PAQR3: variants seen among roughly 807,000 people sequenced by gnomAD.
PAQR3 encodes progestin and adipoQ receptor family member 3.
Under a neutral mutation model 41.7 loss-of-function variants are expected in PAQR3, and 39 were observed. That is an observed-to-expected ratio of 0.93 (90% CI 0.72 to 1.22). PAQR3 has a LOEUF of 1.22. Among genes scored for constraint, PAQR3 ranks in the 50% most tolerant of loss-of-function variants. The pLI, the probability that PAQR3 is intolerant of heterozygous loss-of-function variation, is 0.00. For missense variants in PAQR3, 366 were observed against 385.6 expected (o/e 0.95, Z 0.42); for synonymous variants, 140 against 140.6 (o/e 1.00, Z 0.03).
intron 11 of PAQR3, among the ~76,000 whole-genome samples, chr4:78,893,438 C>T (rs187553333): frequency 3.3e-5 from 5 of 152,254 alleles, no homozygotes; most frequent in Middle Eastern, 3.4e-3. Flanking sequence ...CCTGTTCTTA[C>T]GAATCACGAA....
downstream of PAQR3, among the ~76,000 whole-genome samples, chr4:78,907,544 A>G (rs1333399863): frequency 6.6e-6 from 1 of 152,184 alleles, no homozygotes; most frequent in East Asian, 1.9e-4. Flanking sequence ...GCATTTCCCC[A>G]AAGTACTTTT....
intron 11 of PAQR3, among the ~76,000 whole-genome samples, chr4:78,900,170 C>T (rs1313783153): frequency 1.3e-5 from 2 of 152,208 alleles, no homozygotes; most frequent in Non-Finnish European, 2.9e-5. Flanking sequence ...TTATGATGAT[C>T]TACTTTCACT....
intron 11 of PAQR3, among the ~76,000 whole-genome samples, chr4:78,896,535 T>A (rs556854712): frequency 6.6e-6 from 1 of 152,292 alleles, no homozygotes; most frequent in East Asian, 1.9e-4. Context: ...AAGAAAAATA[T>A]ATGTGAAGCA....
Position 78,917,832 on chromosome 4 carries a change from G to A in PAQR3, c.*2707C>T, listed in dbSNP as rs2110125078. 1.0e-6 allele frequency: 1 copy of A among 985,434 alleles called. No homozygotes were observed. The highest frequency in any genetic ancestry group is 1.2e-6 in the Non-Finnish European group (1 of 829,696). 61.0% of individuals were successfully genotyped at this position (985,434 alleles called of 1,614,324 possible). ...TTCAAATCGGATATTCTGTCCAGGTGGGATGCCATAAGATGTGACAGACAT... is the reference window on the plus strand; with the variant it reads ...TTCAAATCGGATATTCTGTCCAGGTAGGATGCCATAAGATGTGACAGACAT... On this transcript the variant is annotated 3_prime_UTR_variant, in exon 6 of 6. Transcript: ENST00000512733.
chr4:78,891,511 A>G, intron 11 of PAQR3, among the ~76,000 whole-genome samples: 1 of 152,056 alleles, frequency 6.6e-6, no homozygotes, highest in Admixed American at 6.6e-5. Context: ...TTACTAGGAT[A>G]TTGTGCCGTT....
chr4:78,901,247 G>T (rs1464757214), intron 11 of PAQR3, among the ~76,000 whole-genome samples: 6 of 149,864 alleles, frequency 4.0e-5, no homozygotes, highest in African/African-American at 1.5e-4. Context: ...TTTTTGTAGA[G>T]ACTAGGTCTT....
Position 78,917,900 on chromosome 4 carries a change from C to CTGTT in PAQR3, c.*2635_*2638dup, listed in dbSNP as rs1306521699. 1 of 984,336 alleles carries CTGTT rather than the reference C, an allele frequency of 1.0e-6. No individual in the cohort carries two copies. The highest frequency in any genetic ancestry group is 1.2e-6 in the Non-Finnish European group (1 of 828,740). 61.0% of individuals were successfully genotyped at this position (984,336 alleles called of 1,614,324 possible). On this transcript the variant is annotated 3_prime_UTR_variant, in exon 6 of 6. Coordinates refer to ENST00000512733, the MANE Select transcript of PAQR3 (RefSeq NM_001040202.2). ...CTGATTCTAAAATATGATTTTAAAG[C>CTGTT]TGTTATGTATTACAAAGAATGACAA...
rs770869557 is a variant in PAQR3, at chr4:78,939,118, ATCTGC to A, written c.102_106del (p.Glu34AspfsTer33). On this transcript the variant is annotated frameshift_variant, in exon 1 of 6. Coordinates refer to ENST00000512733, the MANE Select transcript of PAQR3 (RefSeq NM_001040202.2). LOFTEE classifies it high-confidence loss of function. ...CGGGTTGTCCTTGAGGGACCCGGGG[ATCTGC>A]TCGTAGGTGTACAGGCGGATGCCAC... 11 of 1,613,646 alleles carry A rather than the reference ATCTGC, an allele frequency of 6.8e-6. No homozygotes were observed. Among genetic ancestry groups the A allele is most frequent in the Non-Finnish European group, 9.3e-6 (11 of 1,179,814 alleles).
At position 78,919,303 on chromosome 4, in the gene PAQR3, ATAAACAATG is replaced by A. The variant is rs1466655504; in HGVS notation, c.*1227_*1235del. ...AACTTGGGTAATATTTTATACTCCA[ATAAACAATG>A]TAAGTTTTTATGAATGTCTACTTTA... On this transcript the variant is annotated 3_prime_UTR_variant, in exon 6 of 6. Coordinates refer to ENST00000512733, the MANE Select transcript of PAQR3 (RefSeq NM_001040202.2). The A allele has an allele frequency of 1.0e-6, 1 of 984,186 alleles. No homozygotes were observed. Among genetic ancestry groups the A allele is most frequent in the African/African-American group, 1.7e-5 (1 of 57,198 alleles). The allele number at this position is 984,186 out of a possible 1,614,324, so 61.0% of individuals were successfully genotyped here.
intron 11 of PAQR3, among the ~76,000 whole-genome samples, chr4:78,890,403 C>T (rs1054246880): frequency 5.3e-5 from 7 of 132,928 alleles, no homozygotes; most frequent in Admixed American, 2.7e-4. Context: ...CACAATCATG[C>T]GCACACACAC....
rs546178833 is a variant in PAQR3, at chr4:78,916,885, T to A, written c.*3654A>T. 6 of 151,192 alleles carry A rather than the reference T, an allele frequency of 4.0e-5. No homozygotes were observed. In the East Asian group the frequency reaches 1.2e-3, roughly 30 times the overall value. The allele number at this position is 151,192 out of a possible 1,614,324, so 9.4% of individuals were successfully genotyped here. On this transcript the variant is annotated 3_prime_UTR_variant, in exon 6 of 6. Transcript: ENST00000512733. ...TTGGCATCAAGGTTATAATATGTAT[T>A]ATTCCAAAAACTGGAGTCTTTGGTA...
At chr4:78,922,993 G>A (rs1735817796) in intron 5 of PAQR3, 2 of 455,696 alleles carry the variant, frequency 4.4e-6, no homozygotes, top group South Asian at 3.1e-5. Context: ...TCTTTGGAAT[G>A]AAGAACAAAA....
chr4:78,926,446 ATACTACTT>A (rs2110147067), intron 4 of PAQR3, 67 bp downstream of exon 4: 2 of 1,332,732 alleles, frequency 1.5e-6, no homozygotes, highest in Non-Finnish European at 2.1e-6. Flanking sequence ...TGGCCTGATT[ATACTACTT>A]TACCCAAAAG....
In PAQR3 at chr4:78,918,846, T is replaced by C. The variant is rs756528348; in HGVS notation, c.*1693A>G. On this transcript the variant is annotated 3_prime_UTR_variant, in exon 6 of 6. Transcript: ENST00000512733. ...TATCTATTAAAAGGCAATAAAATCA[T>C]GTAAGCCAATAAGGGATGTTCTAGG... 7 of 984,482 alleles carry C rather than the reference T, an allele frequency of 7.1e-6. No homozygotes were observed. The highest frequency in any genetic ancestry group is 8.4e-6 in the Non-Finnish European group (7 of 829,320). The allele number at this position is 984,482 out of a possible 1,614,324, so 61.0% of individuals were successfully genotyped here.
Position 78,939,426 on chromosome 4 carries a change from C to T in PAQR3, c.-202G>A, listed in dbSNP as rs908275368. ...AGCGCCGCGGCGGACCCGGCAGCGT[C>T]GCAGCCTCCTCTGACGTCAGCGCGC... On this transcript the variant is annotated 5_prime_UTR_variant, in exon 1 of 6. Transcript: ENST00000512733. 7.9e-6 allele frequency: 2 copies of T among 252,664 alleles called. No individual in the cohort carries two copies. The highest frequency in any genetic ancestry group is 2.3e-5 in the African/African-American group (1 of 43,702). The allele number at this position is 252,664 out of a possible 1,614,324, so 15.7% of individuals were successfully genotyped here.
Position 78,935,155 on chromosome 4 carries a change from A to G in PAQR3, c.314T>C (p.Phe105Ser). 1 of 1,613,664 alleles carries G rather than the reference A, an allele frequency of 6.2e-7. No individual in the cohort carries two copies. The highest frequency in any genetic ancestry group is 8.5e-7 in the Non-Finnish European group (1 of 1,179,802). Reference protein sequence around the residue: ...LPSASASREDFVICSICLFCF... With the variant: ...LPSASASREDSVICSICLFCF... ...GAAAAGACAAATAGAACAAATTACA[A>G]AATCTTCTCTGGACGCACTTGCTGA... Residue 105 changes from phenylalanine (F) to serine (S), a missense_variant, in exon 2 of 6, where the codon TTT becomes TCT. Phe to Ser is a radical substitution (Grantham distance 155, BLOSUM62 -2). Coordinates refer to ENST00000512733, the MANE Select transcript of PAQR3 (RefSeq NM_001040202.2).
intron 11 of PAQR3, among the ~76,000 whole-genome samples, chr4:78,900,161 TATG>T (rs1733920417): frequency 6.6e-6 from 1 of 152,238 alleles, no homozygotes. Context: ...TGAGGACCTT[TATG>T]ATGATCTACT....
chr4:78,922,790 G>C (rs1735789804), intron 5 of PAQR3: 1 of 395,804 alleles, frequency 2.5e-6, no homozygotes, highest in Non-Finnish European at 5.0e-6. Context: ...CCATGTTTTA[G>C]ATAGGAAAAC....
chr4:78,887,312 G>A, intron 12 of PAQR3: 2 of 1,485,894 alleles, frequency 1.3e-6, no homozygotes, highest in Non-Finnish European at 1.9e-6. Flanking sequence ...CATCATCACT[G>A]TCACAAATAA....
Sources: gnomAD v4.1 joint callset for allele counts (sites outside exome capture counted in the v4.1 genomes callset) on GRCh38, gnomAD v4.1.1 for gene constraint, MANE v1.5 for transcripts, NCBI Gene and HGNC (gene_info 2026-07-23, HGNC 2026-07-21) for gene names.